The following VPS8 variants were observed in gnomAD, a reference collection of about 807,000 sequenced individuals.
VPS8 encodes the protein vacuolar protein sorting-associated protein 8 homolog.
Under a neutral mutation model 216.4 loss-of-function variants are expected in VPS8, and 129 were observed. That is an observed-to-expected ratio of 0.60 (90% CI 0.52 to 0.69). The LOEUF (loss-of-function observed/expected upper bound fraction) is 0.69. VPS8 is among the 30% of genes least tolerant of loss of function. The pLI, the probability that VPS8 is intolerant of heterozygous loss-of-function variation, is 0.00. For missense variants in VPS8, 1,531 were observed against 1,683.5 expected, an observed-to-expected ratio of 0.91 and a Z score of 1.59; for synonymous variants, 571 against 565.4, an observed-to-expected ratio of 1.01 and a Z score of -0.14.
chr3:184,826,288 T>G, intron 3 of VPS8, 57 bp downstream of exon 3: 1 of 1,438,622 alleles, frequency 7.0e-7, no homozygotes, highest in South Asian at 1.2e-5. Context: ...CTTAATACTT[T>G]TTGGATTAGT....
rs772245612 is a variant in VPS8, at chr3:184,832,674, C to T, written c.223-15C>T. ...TTGGATTTTGAATGTATTGATTTATCTTCTTCCAATTTAGACTGATGATGA... is the reference window on the plus strand; with the variant it reads ...TTGGATTTTGAATGTATTGATTTATTTTCTTCCAATTTAGACTGATGATGA... On this transcript the variant is annotated splice_polypyrimidine_tract_variant and intron_variant, in intron 3 of 47. Transcript: ENST00000625842. The T allele has an allele frequency of 6.3e-7, 1 of 1,588,358 alleles. No homozygotes were observed. The highest frequency in any genetic ancestry group is 8.6e-7 in the Non-Finnish European group (1 of 1,165,436).
At chr3:184,928,967 T>C (rs1740192235) in intron 32 of VPS8, among the ~76,000 whole-genome samples, 1 of 152,194 alleles carries the variant, frequency 6.6e-6, no homozygotes, top group South Asian at 2.1e-4. Flanking sequence ...AGGAACTTTA[T>C]GTAAAATTTT....
intron 14 of VPS8, 37 bp downstream of exon 14, chr3:184,855,855 A>AT (rs780790666): frequency 2.1e-5 from 32 of 1,510,082 alleles, no homozygotes; most frequent in Admixed American, 1.0e-4. Flanking sequence ...GCCTCTTACA[A>AT]TTTTTTTTAT....
intron 46 of VPS8, among the ~76,000 whole-genome samples, chr3:185,031,063 G>GTGT (rs766453041): frequency 1.6e-5 from 1 of 64,346 alleles, no homozygotes; most frequent in East Asian, 4.8e-4. Flanking sequence ...ACAGGTTGGC[G>GTGT]TTTTTTTTTT....
intron 17 of VPS8, among the ~76,000 whole-genome samples, chr3:184,867,627 C>T (rs1239897179): frequency 1.3e-5 from 2 of 152,318 alleles, no homozygotes; most frequent in East Asian, 3.9e-4. Flanking sequence ...GGGCAGATCA[C>T]ATGAGGCTAA....
At chr3:185,037,065 C>CT (rs147431217) in intron 46 of VPS8, among the ~76,000 whole-genome samples, 48,769 of 143,188 alleles carry the variant, frequency 0.34, 10,549 homozygotes, top group African/African-American at 0.63. Context: ...TTTGCAGTTC[C>CT]TTTTTTTTTT....
At chr3:184,876,983 A>G (rs1199955402) in intron 21 of VPS8, among the ~76,000 whole-genome samples, 1 of 152,186 alleles carries the variant, frequency 6.6e-6, no homozygotes, top group Non-Finnish European at 1.5e-5. Flanking sequence ...TAAATTCCCT[A>G]ACATTTTCTA....
chr3:184,971,845 C>G (rs971394627), intron 40 of VPS8, 93 bp downstream of exon 40: 1 of 963,320 alleles, frequency 1.0e-6, no homozygotes, highest in East Asian at 2.8e-5. Context: ...GAGGCCGAGA[C>G]GGACAGATCA....
chr3:184,937,840 T>C (rs1370000073), intron 35 of VPS8, among the ~76,000 whole-genome samples: 1 of 152,148 alleles, frequency 6.6e-6, no homozygotes, highest in Admixed American at 6.5e-5. Context: ...AAGCTACTAG[T>C]GATAGGCTGG....
Position 184,892,765 on chromosome 3 carries a change from T to A in VPS8, c.1782-1938T>A, listed in dbSNP as rs1732610349. ...CTGTTTGTAAACAGGAGTGCCTTCTTAGTTAACTTTTGTAGCCTTTACTGA... is the reference window on the plus strand; with the variant it reads ...CTGTTTGTAAACAGGAGTGCCTTCTAAGTTAACTTTTGTAGCCTTTACTGA... On this transcript the variant is annotated intron_variant, in intron 22 of 47. Coordinates refer to ENST00000625842, the MANE Select transcript of VPS8 (RefSeq NM_001009921.3). Among the ~76,000 whole-genome samples, 3 of 152,232 alleles carry A rather than the reference T, an allele frequency of 2.0e-5. No individual in the cohort carries two copies. In the South Asian group the frequency reaches 6.2e-4, roughly 31 times the overall value.
chr3:184,901,159 C>G (rs1578154028), intron 25 of VPS8, 187 bp downstream of exon 25: 1 of 581,488 alleles, frequency 1.7e-6, no homozygotes, highest in East Asian at 3.1e-5. Context: ...CCTCCTTCCC[C>G]TTTGTACTTG....
chr3:185,023,474 A>G (rs1224784934), intron 45 of VPS8, among the ~76,000 whole-genome samples: 1 of 152,084 alleles, frequency 6.6e-6, no homozygotes, highest in Non-Finnish European at 1.5e-5. Context: ...ACGGGCAGTC[A>G]TCTGAGGTCA....
intron 42 of VPS8, 41 bp downstream of exon 42, chr3:184,983,135 A>C (rs1335416038): frequency 3.4e-6 from 5 of 1,478,112 alleles, no homozygotes; most frequent in Non-Finnish European, 4.6e-6. Context: ...GATTTCAACT[A>C]ACATTTTAGT....
chr3:184,860,130 T>C (rs1726002344), intron 15 of VPS8, 65 bp downstream of exon 15: 2 of 1,281,982 alleles, frequency 1.6e-6, no homozygotes, highest in African/African-American at 2.9e-5. Context: ...CTATGATATA[T>C]TAAAGCTACC....
chr3:184,961,205 C>G (rs1055149131), intron 37 of VPS8, among the ~76,000 whole-genome samples: 1 of 152,066 alleles, frequency 6.6e-6, no homozygotes, highest in Admixed American at 6.6e-5. Flanking sequence ...TCTCTTGTTT[C>G]TAAATGAAAA....
intron 43 of VPS8, 24 bp from the exon 44 acceptor site, chr3:184,996,308 G>T (rs764820086): frequency 1.3e-6 from 2 of 1,582,980 alleles, no homozygotes; most frequent in Admixed American, 1.9e-5. Context: ...TTGTTTGTTT[G>T]TTTTTTGTTT....
intron 40 of VPS8, among the ~76,000 whole-genome samples, chr3:184,974,873 G>A (rs967972348): frequency 6.6e-6 from 1 of 152,098 alleles, no homozygotes; most frequent in African/African-American, 2.4e-5. Flanking sequence ...CTACAAATAT[G>A]TGGATTTATT....
chr3:185,016,599 CT>C (rs1210264447), intron 45 of VPS8, among the ~76,000 whole-genome samples: 5 of 152,172 alleles, frequency 3.3e-5, no homozygotes, highest in African/African-American at 1.2e-4. Context: ...AAGAAATAGT[CT>C]TTTAAATCTA....
intron 37 of VPS8, among the ~76,000 whole-genome samples, chr3:184,960,764 A>C (rs1478986901): frequency 3.9e-5 from 6 of 152,220 alleles, no homozygotes; most frequent in Non-Finnish European, 8.8e-5. Context: ...TCAAAGGTTT[A>C]AAAGATTGGA....
Sources: gnomAD v4.1 joint callset for allele counts (sites outside exome capture counted in the v4.1 genomes callset) on GRCh38, gnomAD v4.1.1 for gene constraint, MANE v1.5 for transcripts, NCBI Gene and HGNC (gene_info 2026-07-23, HGNC 2026-07-21) for gene names.